The following PRR36 variants were observed in gnomAD, a reference collection of about 807,000 sequenced individuals.
PRR36 encodes proline rich 36.
PRR36 carries 30 observed loss-of-function variants against 58.6 expected under a neutral mutation model. The observed-to-expected ratio is 0.51, with a 90% CI of 0.38 to 0.69. The LOEUF (loss-of-function observed/expected upper bound fraction) is 0.69. PRR36 is among the 30% of genes least tolerant of loss of function. PRR36 has a pLI of 0.00. For missense variants in PRR36, 1,692 were observed against 1,805.6 expected (o/e 0.94, Z 1.14); for synonymous variants, 771 against 829.3 (o/e 0.93, Z 1.21).
rs1016396170 is a variant in PRR36, at chr19:7,874,046, T to C, written c.-8+240A>G. On this transcript the variant is annotated intron_variant, in intron 1 of 5. Coordinates refer to ENST00000618550, the MANE Select transcript of PRR36 (RefSeq NM_001190467.2). The surrounding 1 kb of genome is among the most constrained non-coding windows in gnomAD (Gnocchi z 6.0). Reference sequence around the variant, plus strand: ...ACCGCCAGCCTCGAGAGCGGGGGACTGCCACGGGCTCAGGATGTCGCATCC... The same window carrying C: ...ACCGCCAGCCTCGAGAGCGGGGGACCGCCACGGGCTCAGGATGTCGCATCC... Among the ~76,000 whole-genome samples the C allele has an allele frequency of 6.6e-6, 1 of 151,616 alleles. No individual in the cohort carries two copies. The highest frequency in any genetic ancestry group is 2.4e-5 in the African/African-American group (1 of 41,302).
In PRR36 at chr19:7,871,769, A is replaced by G. The variant is rs1980459634; in HGVS notation, c.1475T>C (p.Leu492Pro). ...ACTGGCCTGCGGAGGGGGCGTGGTC[A>G]GAGCAGAAAGGCCTGGCTGAGGGAG... is the stretch of plus-strand genomic sequence containing the variant. ...AALPQPGLSA[L>P]TTPPPQASPS... The change falls in exon 5 of 6, where the codon CTG becomes CCG. Residue 492 changes from leucine (L) to proline (P), a missense_variant. Coordinates refer to ENST00000618550, the MANE Select transcript of PRR36 (RefSeq NM_001190467.2). The G allele has an allele frequency of 2.0e-6, 3 of 1,534,012 alleles. No individual in the cohort carries two copies. In the African/African-American group the frequency reaches 4.1e-5, roughly 21 times the overall value.
rs1358075536 is a variant in PRR36 at position 7,873,726 on chromosome 19, G to A, written c.-7-30C>T. The A allele has an allele frequency of 3.3e-6, 5 of 1,523,108 alleles. No individual in the cohort carries two copies. In the Admixed American group the frequency reaches 1.0e-4, roughly 31 times the overall value. The allele number at this position is 1,523,108 out of a possible 1,614,324, so 94.3% of individuals were successfully genotyped here. A position where few individuals can be genotyped will look rare whatever the true frequency, so the allele number is the denominator to read the frequency against. ...AGAGACAAACCGGTCCGCATCCCAG[G>A]TTCTGGACAGCTACGCCGCCTCCAG... On this transcript the variant is annotated intron_variant, in intron 1 of 5. Transcript: ENST00000618550. The surrounding 1 kb of genome is among the most constrained non-coding windows in gnomAD (Gnocchi z 5.0).
intron 5 of PRR36, 40 bp from the exon 6 acceptor site, chr19:7,869,584 G>A (rs1354673578): frequency 1.3e-6 from 2 of 1,502,910 alleles, no homozygotes; most frequent in Non-Finnish European, 1.8e-6. Flanking sequence ...GGGGTGATAA[G>A]CCCCGCCCCT....
intron 5 of PRR36, 56 bp from the exon 6 acceptor site, chr19:7,869,600 A>G: frequency 1.3e-6 from 2 of 1,492,184 alleles, no homozygotes; most frequent in Admixed American, 2.1e-5. Context: ...CCCCTGCCTC[A>G]AGGTCCCGCC....
chr19:7,872,510 C>T lies in PRR36; in HGVS notation c.734G>A (p.Ser245Asn). ...GGCTGGGGAGGAGAGAGGGGTGGCG[C>T]TGGAGCTCAGGGAGCGCGAGGCCGG... Reference protein sequence around the residue: ...QRPASRSLSSSATPLSSPARS... With the variant: ...QRPASRSLSSNATPLSSPARS... Residue 245 changes from serine to asparagine, a missense_variant, in exon 5 of 6, where the codon AGC becomes AAC. Coordinates refer to ENST00000618550, the MANE Select transcript of PRR36 (RefSeq NM_001190467.2). This position sits in a 1 kb window ranked among gnomAD's most constrained non-coding sequence, Gnocchi z 6.1. The T allele has an allele frequency of 2.7e-6, 4 of 1,499,632 alleles. No individual in the cohort carries two copies. The highest frequency in any genetic ancestry group is 1.8e-4 in the Middle Eastern group (1 of 5,684). The allele number at this position is 1,499,632 out of a possible 1,614,324, so 92.9% of individuals were successfully genotyped here.
rs1415484657 is a variant in PRR36 at position 7,871,994 on chromosome 19, G to T, written c.1250C>A (p.Ala417Asp). The change falls in exon 5 of 6, where the codon GCC (alanine) becomes GAC (aspartate). Residue 417 changes from alanine to aspartate, a missense_variant. Physicochemically the swap from Ala to Asp is moderately radical, Grantham distance 126. Coordinates refer to ENST00000618550, the MANE Select transcript of PRR36 (RefSeq NM_001190467.2). Reference sequence around the variant, plus strand: ...TGGAGAGACTGAAGCCACAAAAGCGGCTGTGGCCAGGGAAGAGACGCCTGC... The same window carrying T: ...TGGAGAGACTGAAGCCACAAAAGCGTCTGTGGCCAGGGAAGAGACGCCTGC... ...PEAGVSSLAT[A>D]AFVASVSPSV... is the part of the protein sequence containing the mutation. 6.5e-6 allele frequency: 10 copies of T among 1,535,796 alleles called. No homozygotes were observed. The highest frequency in any genetic ancestry group is 1.4e-5 in the African/African-American group (1 of 72,982).
chr19:7,872,383 G>T lies in PRR36; in HGVS notation c.861C>A (p.Pro287=). The part of the protein sequence containing the change: ...LQALRPPQVT[P]PRKDAAPALG... The stretch of plus-strand genomic sequence containing the variant: ...GTGCTGGGGCTGCGTCCTTCCTTGG[G>T]GGTGTGACCTGAGGGGGTCGCAGAG... The change falls in exon 5 of 6, where the codon CCC becomes CCA. Residue 287 remains proline (P), a synonymous_variant. Coordinates refer to ENST00000618550, the MANE Select transcript of PRR36 (RefSeq NM_001190467.2). The surrounding 1 kb of genome is among the most constrained non-coding windows in gnomAD (Gnocchi z 6.1). 6.9e-7 allele frequency: 1 copy of T among 1,450,404 alleles called. No individual in the cohort carries two copies. The highest frequency in any genetic ancestry group is 9.0e-7 in the Non-Finnish European group (1 of 1,107,584). 89.8% of individuals were successfully genotyped at this position (1,450,404 alleles called of 1,614,324 possible).
At position 7,869,550 on chromosome 19, in the gene PRR36, G is replaced by A. The variant is rs1462306505; in HGVS notation, c.3530-6C>T. 2 of 1,517,274 alleles carry A rather than the reference G, an allele frequency of 1.3e-6. No homozygotes were observed. The highest frequency in any genetic ancestry group is 8.8e-7 in the Non-Finnish European group (1 of 1,138,786). The allele number at this position is 1,517,274 out of a possible 1,614,324, so 94.0% of individuals were successfully genotyped here. ...AGGCCACGGCAGGGGCGCACCTGCG[G>A]GGAGAGACGCCAGGTGGGCCGTGGG... On this transcript the variant is annotated splice_polypyrimidine_tract_variant and splice_region_variant and intron_variant, in intron 5 of 5. Transcript: ENST00000618550.
chr19:7,873,409 G>A lies in PRR36; in HGVS notation c.271+10C>T, dbSNP rs1365507262. The A allele has an allele frequency of 6.6e-7, 1 of 1,524,682 alleles. No homozygotes were observed. Among genetic ancestry groups the A allele is most frequent in the East Asian group, 2.5e-5 (1 of 40,624 alleles). 94.4% of individuals were successfully genotyped at this position (1,524,682 alleles called of 1,614,324 possible). A position where few individuals can be genotyped will look rare whatever the true frequency, so the allele number is the denominator to read the frequency against. ...GATGGGGGCGGAGCTGAGGAAGGAG[G>A]CTGGGGTACCAGGGTTTCGGGAACT... On this transcript the variant is annotated intron_variant, in intron 2 of 5. Transcript: ENST00000618550. The surrounding 1 kb of genome is among the most constrained non-coding windows in gnomAD (Gnocchi z 5.0).
Position 7,870,515 on chromosome 19 carries a change from G to C in PRR36, c.2729C>G (p.Ser910Trp). 1 of 563,140 alleles carries C rather than the reference G, an allele frequency of 1.8e-6. No individual in the cohort carries two copies. The highest frequency in any genetic ancestry group is 2.1e-6 in the Non-Finnish European group (1 of 480,172). 34.9% of individuals were successfully genotyped at this position (563,140 alleles called of 1,614,324 possible). A position where few individuals can be genotyped will look rare whatever the true frequency, so the allele number is the denominator to read the frequency against. The stretch of plus-strand genomic sequence containing the variant: ...TGGGGCCTGTGAAGGGGGCGTGGCC[G>C]AAGGAGACACTGGGGGTGAGGCAGG... ...SPPASPPVSP[S>W]ATPPSQAPPS... is the part of the protein sequence containing the mutation. Residue 910 changes from serine (S) to tryptophan (W), a missense_variant, in exon 5 of 6, where the codon TCG becomes TGG. Ser to Trp is a radical substitution (Grantham distance 177). This residue lies in a region of PRR36 where 171 missense variants were observed against 146.2 expected (regional missense o/e 1.17). Coordinates refer to ENST00000618550, the MANE Select transcript of PRR36 (RefSeq NM_001190467.2).
chr19:7,869,555 A>G lies in PRR36; in HGVS notation c.3530-11T>C, dbSNP rs1348616959. On this transcript the variant is annotated splice_polypyrimidine_tract_variant and intron_variant, in intron 5 of 5. Coordinates refer to ENST00000618550, the MANE Select transcript of PRR36 (RefSeq NM_001190467.2). ...ACGGCAGGGGCGCACCTGCGGGGAG[A>G]GACGCCAGGTGGGCCGTGGGGGTGA... 2.0e-6 allele frequency: 3 copies of G among 1,516,920 alleles called. No homozygotes were observed. The highest frequency in any genetic ancestry group is 4.0e-5 in the Admixed American group (2 of 50,048). The allele number at this position is 1,516,920 out of a possible 1,614,324, so 94.0% of individuals were successfully genotyped here. A position where few individuals can be genotyped will look rare whatever the true frequency, so the allele number is the denominator to read the frequency against.
chr19:7,873,038 T>A lies in PRR36; in HGVS notation c.375-77A>T. ...AGTCTCTATTTTCCCATCTGTGAAATGGGCATGTGCCCTCTCTGAGGACCA... is the reference window on the plus strand; with the variant it reads ...AGTCTCTATTTTCCCATCTGTGAAAAGGGCATGTGCCCTCTCTGAGGACCA... On this transcript the variant is annotated intron_variant, in intron 3 of 5. Transcript: ENST00000618550. This position sits in a 1 kb window ranked among gnomAD's most constrained non-coding sequence, Gnocchi z 5.0. The A allele has an allele frequency of 7.2e-7, 1 of 1,384,400 alleles. No individual in the cohort carries two copies. The highest frequency in any genetic ancestry group is 1.3e-5 in the South Asian group (1 of 79,518). 85.8% of individuals were successfully genotyped at this position (1,384,400 alleles called of 1,614,324 possible).
At position 7,871,591 on chromosome 19, in the gene PRR36, G is replaced by GGGAGAAACTAGAGGA; in HGVS notation, c.1638_1652dup (p.Pro547_Pro551dup). ...GCAGAGGCGGTGAGGCCAAAAGAGA[G>GGGAGAAACTAGAGGA]GGAGAAACTAGAGGAGGATCCTGCA... On this transcript the variant is annotated inframe_insertion, in exon 5 of 6. Transcript: ENST00000618550. 1 of 1,535,770 alleles carries GGGAGAAACTAGAGGA rather than the reference G, an allele frequency of 6.5e-7. No homozygotes were observed. The highest frequency in any genetic ancestry group is 8.7e-7 in the Non-Finnish European group (1 of 1,146,826).
chr19:7,869,692 G>A, intron 5 of PRR36, 23 bp downstream of exon 5: 2 of 1,375,462 alleles, frequency 1.5e-6, no homozygotes, highest in South Asian at 3.2e-5. Flanking sequence ...CCACAGCCAG[G>A]CCGGGTCTGG....
In PRR36 at chr19:7,872,052, G is replaced by A; in HGVS notation, c.1192C>T (p.Pro398Ser). The stretch of plus-strand genomic sequence containing the variant: ...AAGGACATAATCAGCTGTGTGGGTG[G>A]AACTTGCGAGGGGGGCGTGGCTGGT... ...SPPATPPSQV[P>S]PTQLIMSFPE... Residue 398 changes from proline to serine, a missense_variant, in exon 5 of 6, where the codon CCA becomes TCA. Transcript: ENST00000618550. The surrounding 1 kb of genome is among the most constrained non-coding windows in gnomAD (Gnocchi z 6.1). 6.5e-7 allele frequency: 1 copy of A among 1,535,264 alleles called. No individual in the cohort carries two copies. The highest frequency in any genetic ancestry group is 1.2e-5 in the South Asian group (1 of 84,004).
Position 7,870,070 on chromosome 19 carries a change from T to C in PRR36, c.3174A>G (p.Ala1058=). The change falls in exon 5 of 6, where the codon GCA becomes GCG. Residue 1058 remains alanine, a synonymous_variant. Transcript: ENST00000618550. ...AGGGAGGGACCTGCAGAAGGGGCGC[T>C]GCCAGAACAGGTGGGGCCTGTGGAG... ...TPPPQAPPVL[A]APLLQVPPSP... 2.1e-6 allele frequency: 3 copies of C among 1,448,556 alleles called. No homozygotes were observed. The highest frequency in any genetic ancestry group is 1.8e-6 in the Non-Finnish European group (2 of 1,106,920). 89.7% of individuals were successfully genotyped at this position (1,448,556 alleles called of 1,614,324 possible).
In PRR36 at chr19:7,872,330, G is replaced by A. The variant is rs1980502952; in HGVS notation, c.914C>T (p.Ala305Val). The change falls in exon 5 of 6, where the codon GCC becomes GTC. Residue 305 changes from alanine to valine, a missense_variant. Ala to Val is a moderately conservative substitution (Grantham distance 64). Transcript: ENST00000618550. This position sits in a 1 kb window ranked among gnomAD's most constrained non-coding sequence, Gnocchi z 6.1. ...ALGPLSSSPL[A>V]TPSPSGTKAR... The stretch of plus-strand genomic sequence containing the variant: ...CTTGGTACCCGATGGAGAGGGTGTG[G>A]CCAAAGGAGAGGAAGAAAGCGGTCC... The A allele has an allele frequency of 6.9e-7, 1 of 1,454,434 alleles. No individual in the cohort carries two copies. The highest frequency in any genetic ancestry group is 9.0e-7 in the Non-Finnish European group (1 of 1,109,854). The allele number at this position is 1,454,434 out of a possible 1,614,324, so 90.1% of individuals were successfully genotyped here.
chr19:7,873,757 T>G lies in PRR36; in HGVS notation c.-7-61A>C, dbSNP rs1980581990. 6.8e-7 allele frequency: 1 copy of G among 1,461,116 alleles called. No homozygotes were observed. Among genetic ancestry groups the G allele is most frequent in the Non-Finnish European group, 9.1e-7 (1 of 1,096,572 alleles). 90.5% of individuals were successfully genotyped at this position (1,461,116 alleles called of 1,614,324 possible). On this transcript the variant is annotated intron_variant, in intron 1 of 5. Transcript: ENST00000618550. The surrounding 1 kb of genome is among the most constrained non-coding windows in gnomAD (Gnocchi z 5.0). ...GACAGCTACGCCGCCTCCAGAGACC[T>G]GGACCCTGCTACCTCACTGCCCTTT...
Position 7,872,267 on chromosome 19 carries a change from G to C in PRR36, c.977C>G (p.Pro326Arg). ...AGAGGGAGGGAGCGTGGCTGGCAGGGGAGTGGCTGCATTGTCGGGAGGCGG... is the reference window on the plus strand; with the variant it reads ...AGAGGGAGGGAGCGTGGCTGGCAGGCGAGTGGCTGCATTGTCGGGAGGCGG... ...PVPPPDNAATPLPATLPPSPP... is the reference protein window; with the variant it reads ...PVPPPDNAATRLPATLPPSPP... The change falls in exon 5 of 6, where the codon CCC becomes CGC. Residue 326 changes from proline to arginine, a missense_variant. Around this residue, in one of 5 missense-constraint regions of PRR36, gnomAD observed 975 missense variants for 955.2 expected, o/e 1.02. Coordinates refer to ENST00000618550, the MANE Select transcript of PRR36 (RefSeq NM_001190467.2). The surrounding 1 kb of genome is among the most constrained non-coding windows in gnomAD (Gnocchi z 6.1). 4 of 1,457,142 alleles carry C rather than the reference G, an allele frequency of 2.7e-6. No homozygotes were observed. The highest frequency in any genetic ancestry group is 3.6e-6 in the Non-Finnish European group (4 of 1,111,080). The allele number at this position is 1,457,142 out of a possible 1,614,324, so 90.3% of individuals were successfully genotyped here.
Sources: allele counts gnomAD v4.1 joint callset (sites outside exome capture counted in the v4.1 genomes callset), GRCh38; gene constraint gnomAD v4.1.1; regional missense constraint gnomAD v4.1.1; non-coding constraint Gnocchi (gnomAD v3.1); transcripts MANE v1.5; gene names NCBI Gene and HGNC (gene_info 2026-07-23, HGNC 2026-07-21).